Variants in CFAP54 observed in about 807,000 individuals in gnomAD.
CFAP54 encodes cilia- and flagella-associated protein 54.
A neutral mutation model predicts 370.4 loss-of-function variants in CFAP54; 290 were observed. That is an observed-to-expected ratio of 0.78 (90% CI 0.71 to 0.86). CFAP54 has a LOEUF of 0.86. CFAP54 is among the 40% of genes least tolerant of loss of function. The probability of loss-of-function intolerance (pLI) is 0.00; values close to 1 mark genes in which losing one functional copy is unlikely to be tolerated. For missense variants in CFAP54, 3,399 were observed against 3,528.7 expected, an observed-to-expected ratio of 0.96 and a Z score of 0.93; for synonymous variants, 1,206 against 1,236.5, an observed-to-expected ratio of 0.98 and a Z score of 0.52.
Position 96,503,868 on chromosome 12 carries a change from G to A in CFAP54, c.424-18G>A. 1.4e-6 allele frequency: 2 copies of A among 1,465,778 alleles called. No individual in the cohort carries two copies. Among genetic ancestry groups the A allele is most frequent in the Non-Finnish European group, 1.8e-6 (2 of 1,116,820 alleles). 90.8% of individuals were successfully genotyped at this position (1,465,778 alleles called of 1,614,324 possible). Reference sequence around the variant, plus strand: ...AATGATATTTTGGAACTTTAATCAAGTACTCCTTTTGTTTCAGGAATACAA... The same window carrying A: ...AATGATATTTTGGAACTTTAATCAAATACTCCTTTTGTTTCAGGAATACAA... On this transcript the variant is annotated intron_variant, in intron 2 of 67. Coordinates refer to ENST00000524981, the MANE Select transcript of CFAP54 (RefSeq NM_001306084.2).
chr12:96,825,203 C>T (rs1039515636), intron 65 of CFAP54, among the ~76,000 whole-genome samples: 6 of 137,468 alleles, frequency 4.4e-5, no homozygotes, highest in African/African-American at 1.6e-4. Flanking sequence ...ATATTATATA[C>T]ATATTATATA....
chr12:96,513,673 G>A lies in CFAP54; in HGVS notation c.798+629G>A, dbSNP rs147770645. On this transcript the variant is annotated intron_variant, in intron 5 of 67. Coordinates refer to ENST00000524981, the MANE Select transcript of CFAP54 (RefSeq NM_001306084.2). ...GGAAGATTGCTTGAGCCTGGGAGGC[G>A]GAGGTTGCAGAGAGCCAAGATCGTG... Among the ~76,000 whole-genome samples the A allele has an allele frequency of 1.6e-4, 24 of 152,212 alleles. No homozygotes were observed. The East Asian group carries it at 4.2e-3, about 27-fold the overall frequency.
chr12:96,504,079 A>C (rs960147431), intron 3 of CFAP54, 50 bp downstream of exon 3: 4 of 1,433,138 alleles, frequency 2.8e-6, no homozygotes, highest in Admixed American at 2.9e-5. Context: ...TTAGCTATAC[A>C]ATGTATCTTT....
At chr12:96,710,480 T>C (rs939861673) in intron 48 of CFAP54, among the ~76,000 whole-genome samples, 1 of 152,036 alleles carries the variant, frequency 6.6e-6, no homozygotes, top group Admixed American at 6.6e-5. Flanking sequence ...ATAACTGGTC[T>C]TGGGGTGATT....
chr12:96,620,420 A>G (rs1956473828), intron 26 of CFAP54, among the ~76,000 whole-genome samples: 1 of 152,178 alleles, frequency 6.6e-6, no homozygotes, highest in Non-Finnish European at 1.5e-5. Flanking sequence ...TCCCCTATAC[A>G]GGCCCTCTTG....
intron 19 of CFAP54, among the ~76,000 whole-genome samples, chr12:96,571,472 T>C (rs1009734517): frequency 1.3e-5 from 2 of 152,172 alleles, no homozygotes; most frequent in Non-Finnish European, 2.9e-5. Context: ...TCAAAGTTAC[T>C]GAACCTTTCT....
chr12:96,811,389 A>G (rs1227571462), intron 63 of CFAP54, among the ~76,000 whole-genome samples: 4 of 152,342 alleles, frequency 2.6e-5, no homozygotes, highest in African/African-American at 4.8e-5. Context: ...AACGGTACAC[A>G]TTGAGAAGTA....
intron 17 of CFAP54, among the ~76,000 whole-genome samples, chr12:96,559,584 A>C (rs945124227): frequency 6.6e-6 from 1 of 152,148 alleles, no homozygotes; most frequent in Non-Finnish European, 1.5e-5. Flanking sequence ...TGCACATATA[A>C]ATATGTATAT....
chr12:96,816,785 G>A (rs191077463), intron 64 of CFAP54, among the ~76,000 whole-genome samples: 199 of 152,306 alleles, frequency 1.3e-3, no homozygotes, highest in Non-Finnish European at 1.8e-3. Flanking sequence ...CATGCAGGTG[G>A]CTGTTTGCCT....
rs540612443 is a variant in CFAP54, at chr12:96,498,987, T to C, written c.318-1847T>C. 3.9e-5 allele frequency among the ~76,000 whole-genome samples: 6 copies of C among 152,324 alleles called. 1 individual carries two copies. Among genetic ancestry groups the C allele is most frequent in the Non-Finnish European group, 8.8e-5 (6 of 68,036 alleles). ...TATTTTTATTTATTTATTTATTTAC[T>C]AATTTTTTTGAGATGGAGTCTTGCT... On this transcript the variant is annotated intron_variant, in intron 1 of 67. Transcript: ENST00000524981.
chr12:96,650,844 G>C (rs1368258783), intron 35 of CFAP54, among the ~76,000 whole-genome samples: 3 of 152,104 alleles, frequency 2.0e-5, no homozygotes, highest in African/African-American at 7.2e-5. Flanking sequence ...CTGGCCTCCA[G>C]CTTCAGGGCC....
At chr12:96,524,424 C>T (rs867889152) in intron 8 of CFAP54, among the ~76,000 whole-genome samples, 3 of 152,014 alleles carry the variant, frequency 2.0e-5, no homozygotes, top group Non-Finnish European at 4.4e-5. Flanking sequence ...GAAAGTAGGT[C>T]CTCAGTAAAT....
intron 28 of CFAP54, among the ~76,000 whole-genome samples, chr12:96,624,504 C>G (rs1413601252): frequency 6.6e-6 from 1 of 152,064 alleles, no homozygotes; most frequent in Non-Finnish European, 1.5e-5. Flanking sequence ...CATAATAAAC[C>G]AATGTGTTAA....
intron 14 of CFAP54, among the ~76,000 whole-genome samples, chr12:96,545,270 A>G (rs1375061929): frequency 6.6e-6 from 1 of 152,140 alleles, no homozygotes; most frequent in East Asian, 1.9e-4. Context: ...TAGGGGAAGG[A>G]TAGCATTAGG....
intron 9 of CFAP54, among the ~76,000 whole-genome samples, 181 bp from the exon 10 acceptor site, chr12:96,533,611 A>G (rs1378540564): frequency 1.3e-5 from 2 of 151,848 alleles, no homozygotes; most frequent in Non-Finnish European, 2.9e-5. Context: ...TGCCCTTCCT[A>G]TTTGTCCCTA....
intron 36 of CFAP54, among the ~76,000 whole-genome samples, chr12:96,653,614 G>C (rs1338623551): frequency 6.6e-6 from 1 of 151,732 alleles, no homozygotes; most frequent in Non-Finnish European, 1.5e-5. Context: ...AAATGAAGCA[G>C]GGCATAGACG....
chr12:96,533,791 G>GT lies in CFAP54; in HGVS notation c.1358dup (p.Met453IlefsTer11). On this transcript the variant is annotated frameshift_variant and splice_region_variant. Transcript: ENST00000524981. LOFTEE classifies it high-confidence loss of function. ...TCAAAACTCTCTTCTTCCTTTCCTA[G>GT]TGTCAAATATTGGTGCAGATGGAAT... 2 of 1,503,626 alleles carry GT rather than the reference G, an allele frequency of 1.3e-6. No homozygotes were observed. Among genetic ancestry groups the GT allele is most frequent in the Non-Finnish European group, 1.8e-6 (2 of 1,135,478 alleles). 93.1% of individuals were successfully genotyped at this position (1,503,626 alleles called of 1,614,324 possible).
intron 4 of CFAP54, among the ~76,000 whole-genome samples, chr12:96,507,557 A>ACACACG (rs1555220647): frequency 3.6e-5 from 4 of 111,760 alleles, no homozygotes; most frequent in African/African-American, 9.0e-5. Context: ...ACACACACAC[A>ACACACG]CATACACACA....
At chr12:96,697,980 G>A (rs1432135107) in intron 45 of CFAP54, among the ~76,000 whole-genome samples, 1 of 152,176 alleles carries the variant, frequency 6.6e-6, no homozygotes, top group African/African-American at 2.4e-5. Flanking sequence ...AGGTCCCTTA[G>A]CAGATTTTCA....
Sources: allele counts gnomAD v4.1 joint callset (sites outside exome capture counted in the v4.1 genomes callset), GRCh38; gene constraint gnomAD v4.1.1; transcripts MANE v1.5; gene names NCBI Gene and HGNC (gene_info 2026-07-23, HGNC 2026-07-21).